POMZP3: variants seen among roughly 807,000 people sequenced by gnomAD.
POMZP3 encodes the protein POM121 and ZP3 fusion, also known as POM121 and ZP3 fusion protein.
A neutral mutation model predicts 19.8 loss-of-function variants in POMZP3; 10 were observed. That is an observed-to-expected ratio of 0.51 (90% CI 0.31 to 0.86). POMZP3 has a LOEUF of 0.86. POMZP3 is among the 40% of genes least tolerant of loss of function. POMZP3 has a pLI of 0.04. For missense variants in POMZP3, 152 were observed against 228.1 expected (o/e 0.67, Z 2.15); for synonymous variants, 57 against 85.8 (o/e 0.66, Z 1.85).
In POMZP3 at chr7:76,625,395, C is replaced by T. The variant is rs142135175; in HGVS notation, c.227+127G>A. ...CTGTTATTAGGTTCTTTCATGAAAG[C>T]CAAAGAAGGAGGCCTATGAAGGCTC... On this transcript the variant is annotated intron_variant, in intron 3 of 6. Coordinates refer to ENST00000310842, the MANE Select transcript of POMZP3 (RefSeq NM_012230.5). 2.6e-4 allele frequency: 382 copies of T among 1,479,926 alleles called. 2 individuals are homozygous for T. The African/African-American group carries it at 4.8e-3, about 19-fold the overall frequency. The allele number at this position is 1,479,926 out of a possible 1,614,324, so 91.7% of individuals were successfully genotyped here.
chr7:76,624,967 C>G (rs922933984), intron 3 of POMZP3, among the ~76,000 whole-genome samples: 6 of 151,134 alleles, frequency 4.0e-5, no homozygotes, highest in African/African-American at 1.5e-4. Flanking sequence ...CCTGTCTCTA[C>G]TAAAAATACA....
Position 76,627,214 on chromosome 7 carries a change from C to T in POMZP3, c.-658G>A. On this transcript the variant is annotated 5_prime_UTR_variant, in exon 1 of 7. Transcript: ENST00000310842. ...CCCTGACACTCGCTATCGGCCGCCG[C>T]CGCTCGCCTGCTCCAGCCGCCGCAG... 4.2e-6 allele frequency: 6 copies of T among 1,431,202 alleles called. 1 individual carries two copies. Among genetic ancestry groups the T allele is most frequent in the Non-Finnish European group, 5.5e-6 (6 of 1,082,358 alleles). The allele number at this position is 1,431,202 out of a possible 1,614,324, so 88.7% of individuals were successfully genotyped here.
At position 76,626,178 on chromosome 7, in the gene POMZP3, G is replaced by C; in HGVS notation, c.-114C>G. On this transcript the variant is annotated 5_prime_UTR_variant, in exon 2 of 7. Transcript: ENST00000310842. ...TGATGGATCGGATAGCGTCTTCGAG[G>C]TGTTATTACAAACCGATCTGGTAAA... 1.3e-6 allele frequency: 2 copies of C among 1,581,520 alleles called. No individual in the cohort carries two copies. Among genetic ancestry groups the C allele is most frequent in the South Asian group, 1.1e-5 (1 of 87,652 alleles).
intron 3 of POMZP3, among the ~76,000 whole-genome samples, chr7:76,619,293 G>A (rs897633239): frequency 1.3e-5 from 2 of 152,174 alleles, no homozygotes; most frequent in African/African-American, 4.8e-5. Context: ...GAGGCTGAGA[G>A]AGGAGAATCT....
intron 3 of POMZP3, among the ~76,000 whole-genome samples, chr7:76,620,756 C>T (rs1815508647): frequency 6.6e-6 from 1 of 151,922 alleles, no homozygotes; most frequent in Admixed American, 6.6e-5. Context: ...GCGTGAGTCA[C>T]CTGCCCAGAT....
rs201520751 is a variant in POMZP3, at chr7:76,618,306, A to G, written c.228-6T>C. The G allele has an allele frequency of 7.7e-5, 125 of 1,613,644 alleles. No homozygotes were observed. Among genetic ancestry groups the G allele is most frequent in the Middle Eastern group, 1.6e-4 (1 of 6,078 alleles). On this transcript the variant is annotated splice_region_variant and splice_polypyrimidine_tract_variant and intron_variant, in intron 3 of 6. Transcript: ENST00000310842. ...TGAGACCGTCGACAAGACAGCTTGG[A>G]AGAAAACAGAACGGTGTTAAAGCCA...
chr7:76,611,958 G>C, intron 4 of POMZP3, 145 bp from the exon 5 acceptor site: 1 of 1,469,348 alleles, frequency 6.8e-7, no homozygotes, highest in South Asian at 1.3e-5. Flanking sequence ...CAGCACTTTG[G>C]GAGGCCAAGG....
intron 3 of POMZP3, among the ~76,000 whole-genome samples, chr7:76,623,031 G>A (rs908314195): frequency 4.0e-5 from 6 of 151,518 alleles, no homozygotes; most frequent in African/African-American, 1.5e-4. Context: ...ACCATGCCTG[G>A]CTAATTTTCA....
At chr7:76,622,027 C>T (rs1286408675) in intron 3 of POMZP3, among the ~76,000 whole-genome samples, 1 of 141,506 alleles carries the variant, frequency 7.1e-6, no homozygotes, top group Admixed American at 7.2e-5. Flanking sequence ...AAGATGGCGA[C>T]GAGAGTGACC....
chr7:76,627,261 C>T lies in POMZP3; in HGVS notation c.-705G>A, dbSNP rs562560419. 0.016 allele frequency: 21,205 copies of T among 1,357,072 alleles called. 2,169 individuals are homozygous for T. In the African/African-American group the frequency reaches 0.24, roughly 15 times the overall value. 84.1% of individuals were successfully genotyped at this position (1,357,072 alleles called of 1,614,324 possible). On this transcript the variant is annotated 5_prime_UTR_variant, in exon 1 of 7. Coordinates refer to ENST00000310842, the MANE Select transcript of POMZP3 (RefSeq NM_012230.5). ...GCAGCCGCCGGAGACATCGCGGCTC[C>T]GCGCCGCGGAGGAGACTTAAATATC...
Position 76,626,060 on chromosome 7 carries a change from AC to A in POMZP3, c.4del (p.Val2CysfsTer5), listed in dbSNP as rs1222512185. 1 of 1,613,680 alleles carries A rather than the reference AC, an allele frequency of 6.2e-7. No homozygotes were observed. The highest frequency in any genetic ancestry group is 1.3e-5 in the African/African-American group (1 of 74,896). On this transcript the variant is annotated frameshift_variant, in exon 2 of 7. Transcript: ENST00000310842. LOFTEE classifies it high-confidence loss of function. The part of the protein sequence containing the change: M[V>X]CSPVTLRIAP... ...GATCCTCAGAGTCACTGGGCTACAC[AC>A]CATCCTGGAGTTGCGAGGGGACAGC...
At chr7:76,621,473 C>G (rs1450202173) in intron 3 of POMZP3, 1 of 150,364 alleles carries the variant, frequency 6.7e-6, no homozygotes. Flanking sequence ...TTTTTAACTT[C>G]TACTATTGTC....
chr7:76,619,100 A>G (rs1241612538), intron 3 of POMZP3, among the ~76,000 whole-genome samples: 11 of 152,126 alleles, frequency 7.2e-5, no homozygotes, highest in Non-Finnish European at 1.5e-4. Flanking sequence ...ATTTTTAAAG[A>G]TTTAGAGAGG....
At chr7:76,619,248 C>T (rs1815414482) in intron 3 of POMZP3, among the ~76,000 whole-genome samples, 3 of 152,030 alleles carry the variant, frequency 2.0e-5, no homozygotes, top group African/African-American at 7.2e-5. Flanking sequence ...ATTAGCCAGG[C>T]GTGGTGGCAT....
chr7:76,627,156 C>G lies in POMZP3; in HGVS notation c.-600G>C, dbSNP rs912376910. The G allele has an allele frequency of 4.8e-6, 7 of 1,446,516 alleles. 1 individual carries two copies. Among genetic ancestry groups the G allele is most frequent in the Non-Finnish European group, 6.4e-6 (7 of 1,091,394 alleles). The allele number at this position is 1,446,516 out of a possible 1,614,324, so 89.6% of individuals were successfully genotyped here. A position where few individuals can be genotyped will look rare whatever the true frequency, so the allele number is the denominator to read the frequency against. ...GCACGAGGTACAGTAGGAGGCCGAC[C>G]AGCGACAGGCCGAGAAGCGCCGCCC... On this transcript the variant is annotated 5_prime_UTR_variant, in exon 1 of 7. Coordinates refer to ENST00000310842, the MANE Select transcript of POMZP3 (RefSeq NM_012230.5).
chr7:76,623,102 G>A (rs1251118041), intron 3 of POMZP3, among the ~76,000 whole-genome samples: 1 of 151,704 alleles, frequency 6.6e-6, no homozygotes, highest in East Asian at 1.9e-4. Context: ...TAACTCTTGG[G>A]CTCAAGAGAT....
In POMZP3 at chr7:76,611,881, C is replaced by G. The variant is rs1278855099; in HGVS notation, c.346-68G>C. The G allele has an allele frequency of 4.6e-6, 7 of 1,511,712 alleles. No individual in the cohort carries two copies. The Middle Eastern group carries it at 9.4e-4, about 202-fold the overall frequency. The allele number at this position is 1,511,712 out of a possible 1,614,324, so 93.6% of individuals were successfully genotyped here. On this transcript the variant is annotated intron_variant, in intron 4 of 6. Coordinates refer to ENST00000310842, the MANE Select transcript of POMZP3 (RefSeq NM_012230.5). ...TGCCTGGGAGTTTAACACACCAGTT[C>G]TCTTATAACCCTCAACCCTTTAAAG...
intron 4 of POMZP3, among the ~76,000 whole-genome samples, chr7:76,614,564 C>CAA (rs749162077): frequency 3.8e-4 from 18 of 47,838 alleles, no homozygotes; most frequent in South Asian, 1.8e-3. Context: ...CCATTTCCCC[C>CAA]AAAAAAAAAA....
At chr7:76,624,922 G>T (rs1033741862) in intron 3 of POMZP3, among the ~76,000 whole-genome samples, 4 of 151,240 alleles carry the variant, frequency 2.6e-5, no homozygotes, top group African/African-American at 9.7e-5. Context: ...CACGAGGTCA[G>T]GAGTTCGAGA....
Sources: allele counts gnomAD v4.1 joint callset (sites outside exome capture counted in the v4.1 genomes callset), GRCh38; gene constraint gnomAD v4.1.1; transcripts MANE v1.5; gene names NCBI Gene and HGNC (gene_info 2026-07-23, HGNC 2026-07-21).